SCARA3: variants seen among roughly 807,000 people sequenced by gnomAD.
SCARA3 encodes the protein cellular stress response gene protein.
SCARA3 carries 39 observed loss-of-function variants against 47.0 expected under a neutral mutation model. That is an observed-to-expected ratio of 0.83 (90% CI 0.64 to 1.08). The LOEUF (loss-of-function observed/expected upper bound fraction) is 1.08, where lower values mean the gene tolerates loss of function less well. Among genes scored for constraint, SCARA3 ranks in the 50% least tolerant of loss-of-function variants. SCARA3 has a pLI of 0.00. For synonymous variants in SCARA3, 356 were observed against 334.1 expected (o/e 1.07, Z -0.71); for missense variants, 724 against 792.3 (o/e 0.91, Z 1.04).
At chr8:27,654,028 T>C (rs964985951) in intron 3 of SCARA3, among the ~76,000 whole-genome samples, 3 of 152,216 alleles carry the variant, frequency 2.0e-5, no homozygotes, top group African/African-American at 4.8e-5. Flanking sequence ...CAGGCCATAA[T>C]TTGCAACACC....
At chr8:27,658,398 A>G in intron 4 of SCARA3, 98 bp from the exon 5 acceptor site, 1 of 1,186,404 alleles carries the variant, frequency 8.4e-7, no homozygotes, top group Non-Finnish European at 1.2e-6. Flanking sequence ...TTGGGAAGCT[A>G]CTAACCAATT....
chr8:27,677,794 G>A (rs948542926), downstream of SCARA3, among the ~76,000 whole-genome samples: 2 of 152,186 alleles, frequency 1.3e-5, no homozygotes, highest in African/African-American at 4.8e-5. Context: ...AGAACATGAT[G>A]TGAGCCATGA....
At chr8:27,676,563 T>C (rs1277931558), downstream of SCARA3, 3 of 1,609,394 alleles carry the variant, frequency 1.9e-6, no homozygotes, top group Non-Finnish European at 2.6e-6. Context: ...GTTTCATCTA[T>C]TCTAGGTCAC....
chr8:27,674,483 T>C (rs989144440), downstream of SCARA3, among the ~76,000 whole-genome samples: 5 of 152,206 alleles, frequency 3.3e-5, no homozygotes, highest in Non-Finnish European at 7.3e-5. Context: ...CCATTGAGTC[T>C]GACATGCTGT....
chr8:27,714,213 T>TTTTTTTTTTGGG, the SCARA3 span, among the ~76,000 whole-genome samples: 1 of 148,504 alleles, frequency 6.7e-6, no homozygotes, highest in Non-Finnish European at 1.5e-5. Context: ...TTTTTTTTTT[T>TTTTTTTTTTGGG]GAGATGGAGT....
At chr8:27,706,881 G>A in the SCARA3 span, among the ~76,000 whole-genome samples, 3 of 152,080 alleles carry the variant, frequency 2.0e-5, no homozygotes, top group Admixed American at 6.5e-5. Flanking sequence ...AGCTCAGAAC[G>A]TGAAGGCACC....
In SCARA3 at chr8:27,659,021, G is replaced by A; in HGVS notation, c.851G>A (p.Gly284Glu). 1.2e-6 allele frequency: 2 copies of A among 1,614,006 alleles called. No homozygotes were observed. The highest frequency in any genetic ancestry group is 1.7e-6 in the Non-Finnish European group (2 of 1,179,988). Residue 284 changes from glycine (G) to glutamate (E), a missense_variant, in exon 5 of 6, where the codon GGG (glycine) becomes GAG (glutamate). Physicochemically the swap from Gly to Glu is moderately conservative, Grantham distance 98. Coordinates refer to ENST00000301904, the MANE Select transcript of SCARA3 (RefSeq NM_016240.3). ...EAVKNIQATL[G>E]ASSQRISQNS... Reference sequence around the variant, plus strand: ...GTCAAGAACATCCAGGCCACCCTGGGGGCCTCCTCACAGCGCATCAGCCAG... The same window carrying A: ...GTCAAGAACATCCAGGCCACCCTGGAGGCCTCCTCACAGCGCATCAGCCAG...
intron 4 of SCARA3, among the ~76,000 whole-genome samples, chr8:27,658,043 A>ATT (rs1801780022): frequency 6.6e-6 from 1 of 152,232 alleles, no homozygotes; most frequent in African/African-American, 2.4e-5. Context: ...CGCAAATAGA[A>ATT]GGTTCTGGTC....
chr8:27,692,792 C>T, the SCARA3 span, among the ~76,000 whole-genome samples: 7 of 152,074 alleles, frequency 4.6e-5, no homozygotes, highest in African/African-American at 1.7e-4. Context: ...TCTATTGATT[C>T]CAGGTCTTTA....
chr8:27,719,280 C>A, the SCARA3 span, among the ~76,000 whole-genome samples: 3 of 152,166 alleles, frequency 2.0e-5, no homozygotes, highest in East Asian at 5.8e-4. Flanking sequence ...AACACAGGAG[C>A]AGAAAACCAA....
the SCARA3 span, among the ~76,000 whole-genome samples, chr8:27,711,738 A>G: frequency 6.6e-6 from 1 of 152,048 alleles, no homozygotes; most frequent in Non-Finnish European, 1.5e-5. Context: ...AAATTATTAT[A>G]TATATTTAAA....
chr8:27,639,440 G>GGC (rs1801333969), intron 1 of SCARA3, among the ~76,000 whole-genome samples: 1 of 152,198 alleles, frequency 6.6e-6, no homozygotes, highest in Non-Finnish European at 1.5e-5. Flanking sequence ...GGGTGGGGAG[G>GGC]AGTTGGATGG....
chr8:27,726,193 G>C, the SCARA3 span, among the ~76,000 whole-genome samples: 9 of 152,302 alleles, frequency 5.9e-5, no homozygotes, highest in South Asian at 1.9e-3. Flanking sequence ...GATTACTTGA[G>C]CCCAGGAGTT....
chr8:27,652,245 T>G (rs1801648919), intron 3 of SCARA3, among the ~76,000 whole-genome samples: 2 of 152,196 alleles, frequency 1.3e-5, no homozygotes, highest in Non-Finnish European at 2.9e-5. Flanking sequence ...ACATTAGGGT[T>G]TGTAGTAGTT....
At chr8:27,675,294 A>T (rs1249909122), downstream of SCARA3, among the ~76,000 whole-genome samples, 1 of 152,174 alleles carries the variant, frequency 6.6e-6, no homozygotes, top group Admixed American at 6.5e-5. Flanking sequence ...GAGAGCAGAG[A>T]GCTGAAAAAC....
Position 27,646,329 on chromosome 8 carries a change from G to T in SCARA3, c.8-3373G>T, listed in dbSNP as rs34404860. On this transcript the variant is annotated intron_variant, in intron 1 of 5. Transcript: ENST00000301904. ...CGTTAGCAATTTCCACTGGCTAACA[G>T]TTGCTAATCTGGGGGGCTGTCCATT... Among the ~76,000 whole-genome samples, 233 of 152,356 alleles carry T rather than the reference G, an allele frequency of 1.5e-3. 6 individuals are homozygous for T. In the East Asian group the frequency reaches 0.023, roughly 15 times the overall value.
the SCARA3 span, among the ~76,000 whole-genome samples, chr8:27,689,888 T>C: frequency 6.6e-6 from 1 of 152,104 alleles, no homozygotes; most frequent in Non-Finnish European, 1.5e-5. Flanking sequence ...CTTTGGGAAG[T>C]TGACCCAGGA....
the SCARA3 span, among the ~76,000 whole-genome samples, chr8:27,719,365 A>G: frequency 6.6e-6 from 1 of 152,138 alleles, no homozygotes; most frequent in African/African-American, 2.4e-5. Context: ...AACAACACAC[A>G]CTGGGGACTT....
intron 3 of SCARA3, among the ~76,000 whole-genome samples, chr8:27,653,565 T>C (rs1801678721): frequency 2.0e-5 from 2 of 102,404 alleles, no homozygotes; most frequent in Admixed American, 2.2e-4. Context: ...TATAGATTTG[T>C]AAAGCGTGTG....
Sources: allele counts gnomAD v4.1 joint callset (sites outside exome capture counted in the v4.1 genomes callset), GRCh38; gene constraint gnomAD v4.1.1; transcripts MANE v1.5; gene names NCBI Gene and HGNC (gene_info 2026-07-23, HGNC 2026-07-21).